Variants in MRC2 observed in about 807,000 individuals in gnomAD.
MRC2 encodes the protein C-type mannose receptor 2.
Under a neutral mutation model 206.2 loss-of-function variants are expected in MRC2, and 84 were observed. That is an observed-to-expected ratio of 0.41 (90% confidence interval 0.34 to 0.49). The LOEUF (loss-of-function observed/expected upper bound fraction) is 0.49. Ranked by LOEUF, MRC2 falls within the 20% of genes least tolerant of loss-of-function variation. MRC2 has a pLI of 0.31. For synonymous variants in MRC2, 798 were observed against 800.0 expected (o/e 1.00, Z 0.04); for missense variants, 1,676 against 2,001.5 (o/e 0.84, Z 3.10).
chr17:62,680,100 C>A lies in MRC2; in HGVS notation c.2299-70C>A. 1 of 1,599,086 alleles carries A rather than the reference C, an allele frequency of 6.3e-7. No individual in the cohort carries two copies. The highest frequency in any genetic ancestry group is 8.5e-7 in the Non-Finnish European group (1 of 1,170,942). On this transcript the variant is annotated intron_variant, in intron 14 of 29. Coordinates refer to ENST00000303375, the MANE Select transcript of MRC2 (RefSeq NM_006039.5). This position sits in a 1 kb window ranked among gnomAD's most constrained non-coding sequence, Gnocchi z 4.8. ...AGCTCAGGCCAGGCCTCTTGTTCAC[C>A]TGTTCCGGGCATGGGGGCGGCCTGC...
chr17:62,668,569 C>T (rs906670823), intron 6 of MRC2, among the ~76,000 whole-genome samples: 1 of 152,096 alleles, frequency 6.6e-6, no homozygotes, highest in Non-Finnish European at 1.5e-5. Context: ...TCAGAACCTG[C>T]ATTTAACAAG....
Position 62,680,711 on chromosome 17 carries a change from C to T in MRC2, c.2474-89C>T. ...TGCAGGCTCGCCTGCTGCCGCCTGG[C>T]TCTGCCCCGGCCCTGCCGCGCCCGC... On this transcript the variant is annotated intron_variant, in intron 16 of 29. Transcript: ENST00000303375. This position sits in a 1 kb window ranked among gnomAD's most constrained non-coding sequence, Gnocchi z 4.8. 1 of 1,388,894 alleles carries T rather than the reference C, an allele frequency of 7.2e-7. No individual in the cohort carries two copies. Among genetic ancestry groups the T allele is most frequent in the Non-Finnish European group, 9.3e-7 (1 of 1,069,968 alleles). 86.0% of individuals were successfully genotyped at this position (1,388,894 alleles called of 1,614,324 possible). A position where few individuals can be genotyped will look rare whatever the true frequency, so the allele number is the denominator to read the frequency against.
intron 23 of MRC2, chr17:62,689,311 G>T: frequency 3.4e-6 from 2 of 581,284 alleles, no homozygotes; most frequent in Non-Finnish European, 6.1e-6. Flanking sequence ...GGTAGGAGGA[G>T]GTCAAGGCCC....
At chr17:62,651,015 C>T (rs183707397) in intron 1 of MRC2, among the ~76,000 whole-genome samples, 63 of 152,236 alleles carry the variant, frequency 4.1e-4, no homozygotes, top group African/African-American at 1.2e-3. Context: ...TTCAGTTTCC[C>T]GTTCTAAACG....
intron 19 of MRC2, 89 bp downstream of exon 19, chr17:62,682,026 C>T: frequency 2.4e-6 from 3 of 1,250,704 alleles, no homozygotes; most frequent in Non-Finnish European, 3.4e-6. Context: ...AGTCTGTTCT[C>T]ATTCTCTTTG....
At chr17:62,681,165 G>A (rs1317144703) in intron 18 of MRC2, 36 bp downstream of exon 18, 1 of 1,606,308 alleles carries the variant, frequency 6.2e-7, no homozygotes, top group Non-Finnish European at 8.5e-7. Flanking sequence ...GTGGAAGGGG[G>A]CTGGCTGTCC....
chr17:62,689,806 TC>T, intron 24 of MRC2, 46 bp downstream of exon 24: 1 of 1,530,044 alleles, frequency 6.5e-7, no homozygotes. Context: ...TTGCCCGGGT[TC>T]CCCTCCCTGC....
At chr17:62,628,036 C>A in intron 1 of MRC2, 116 bp downstream of exon 1, 1 of 641,352 alleles carries the variant, frequency 1.6e-6, no homozygotes, top group Non-Finnish European at 2.3e-6. Flanking sequence ...AGCGTGTGTG[C>A]GTGTGTGTGT....
chr17:62,687,020 G>A (rs948816011), intron 20 of MRC2, among the ~76,000 whole-genome samples: 7 of 152,122 alleles, frequency 4.6e-5, no homozygotes, highest in African/African-American at 1.7e-4. Flanking sequence ...TCCTTAAAAT[G>A]ATCCCCAAAG....
Position 62,664,996 on chromosome 17 carries a change from G to C in MRC2, c.520+47G>C. On this transcript the variant is annotated intron_variant, in intron 2 of 29. Transcript: ENST00000303375. This position sits in a 1 kb window ranked among gnomAD's most constrained non-coding sequence, Gnocchi z 4.7. ...GGAGGGTGGGGTCCCCGATGTCCAG[G>C]GGACTGGAGCCATGAGGGACAGATT... 6.5e-7 allele frequency: 1 copy of C among 1,543,242 alleles called. No homozygotes were observed. Among genetic ancestry groups the C allele is most frequent in the Non-Finnish European group, 8.7e-7 (1 of 1,149,530 alleles).
chr17:62,671,655 G>T lies in MRC2; in HGVS notation c.1124G>T (p.Trp375Leu). 6.3e-7 allele frequency: 1 copy of T among 1,582,086 alleles called. No individual in the cohort carries two copies. Among genetic ancestry groups the T allele is most frequent in the South Asian group, 1.2e-5 (1 of 85,698 alleles). Residue 375 changes from tryptophan (W) to leucine (L), a missense_variant, in exon 7 of 30, where the codon TGG becomes TTG. Trp to Leu is a moderately conservative substitution (Grantham distance 61). Around this residue, in one of 3 missense-constraint regions of MRC2, gnomAD observed 1,354 missense variants for 1,636.6 expected, o/e 0.83. Coordinates refer to ENST00000303375, the MANE Select transcript of MRC2 (RefSeq NM_006039.5). The surrounding 1 kb of genome is among the most constrained non-coding windows in gnomAD (Gnocchi z 4.5). ...ATAEPTPPDR[W>L]ANVKVECEPS... The stretch of plus-strand genomic sequence containing the variant: ...GCCTCATGGGTCTCTGCAGACAGGT[G>T]GGCCAATGTGAAGGTGGAGTGCGAG...
chr17:62,661,301 T>A (rs1271170778), intron 1 of MRC2, among the ~76,000 whole-genome samples: 1 of 152,210 alleles, frequency 6.6e-6, no homozygotes, highest in Non-Finnish European at 1.5e-5. Context: ...CTTACCTGCC[T>A]TCTGTTGTTG....
intron 2 of MRC2, among the ~76,000 whole-genome samples, chr17:62,665,404 C>A (rs1014351077): frequency 1.4e-5 from 2 of 143,310 alleles, no homozygotes; most frequent in Non-Finnish European, 3.0e-5. Flanking sequence ...GACTCTGTCC[C>A]CCCCCCCACA....
At position 62,688,849 on chromosome 17, in the gene MRC2, C is replaced by T. The variant is rs758737942; in HGVS notation, c.3226-3C>T. ...GCTCCCCTGAGCAGCTCCCTCCCCCCAGACCAGCTGTGCAGTGGTCCTGCA... is the reference window on the plus strand; with the variant it reads ...GCTCCCCTGAGCAGCTCCCTCCCCCTAGACCAGCTGTGCAGTGGTCCTGCA... On this transcript the variant is annotated splice_polypyrimidine_tract_variant and splice_region_variant and intron_variant, in intron 22 of 29. Coordinates refer to ENST00000303375, the MANE Select transcript of MRC2 (RefSeq NM_006039.5). 2.2e-5 allele frequency: 35 copies of T among 1,607,784 alleles called. 1 individual carries two copies. The East Asian group carries it at 6.7e-4, about 31-fold the overall frequency.
chr17:62,681,359 AC>A (rs2088964328), intron 18 of MRC2: 3 of 594,540 alleles, frequency 5.0e-6, no homozygotes, highest in Non-Finnish European at 9.0e-6. Flanking sequence ...CGAAGTGCTT[AC>A]GCAGCATCCA....
intron 1 of MRC2, among the ~76,000 whole-genome samples, chr17:62,644,905 G>A (rs1353161156): frequency 1.3e-5 from 2 of 152,040 alleles, no homozygotes; most frequent in South Asian, 2.1e-4. Context: ...TCCATTAATA[G>A]CCCCCTACCG....
At position 62,688,491 on chromosome 17, in the gene MRC2, G is replaced by T. The variant is rs2089059745; in HGVS notation, c.3062-10G>T. On this transcript the variant is annotated splice_polypyrimidine_tract_variant and intron_variant, in intron 21 of 29. Coordinates refer to ENST00000303375, the MANE Select transcript of MRC2 (RefSeq NM_006039.5). The stretch of plus-strand genomic sequence containing the variant: ...CAGAGTCACTCACAACTGTCTTCTG[G>T]GGACCATAGCATTCATCACAGCCAG... The T allele has an allele frequency of 6.2e-7, 1 of 1,614,034 alleles. No homozygotes were observed. Among genetic ancestry groups the T allele is most frequent in the African/African-American group, 1.3e-5 (1 of 74,926 alleles).
chr17:62,678,442 A>G (rs1443868891), intron 12 of MRC2, 62 bp from the exon 13 acceptor site: 28 of 1,572,066 alleles, frequency 1.8e-5, no homozygotes, highest in Non-Finnish European at 2.2e-5. Flanking sequence ...GAAAGGCAGT[A>G]GGTGCCCCCT....
At position 62,666,171 on chromosome 17, in the gene MRC2, G is replaced by C; in HGVS notation, c.598G>C (p.Gly200Arg). ...CAAATATGACAACCAGTGGTTCCACGGCTGCACCAGCACGGGCCGCGAGGA... is the reference window on the plus strand; with the variant it reads ...CAAATATGACAACCAGTGGTTCCACCGCTGCACCAGCACGGGCCGCGAGGA... ...PFKYDNQWFH[G>R]CTSTGREDGH... Residue 200 changes from glycine (G) to arginine (R), a missense_variant, in exon 3 of 30, where the codon GGC (glycine) becomes CGC (arginine). Gly to Arg is a moderately radical substitution (Grantham distance 125). Coordinates refer to ENST00000303375, the MANE Select transcript of MRC2 (RefSeq NM_006039.5). The surrounding 1 kb of genome is among the most constrained non-coding windows in gnomAD (Gnocchi z 5.0). 2.5e-6 allele frequency: 4 copies of C among 1,602,240 alleles called. No homozygotes were observed. Among genetic ancestry groups the C allele is most frequent in the Non-Finnish European group, 3.4e-6 (4 of 1,174,504 alleles).
Sources: gnomAD v4.1 joint callset for allele counts (sites outside exome capture counted in the v4.1 genomes callset) on GRCh38, gnomAD v4.1.1 for gene constraint, gnomAD v4.1.1 regional missense constraint, Gnocchi (gnomAD v3.1) non-coding constraint, MANE v1.5 for transcripts, NCBI Gene and HGNC (gene_info 2026-07-23, HGNC 2026-07-21) for gene names.